Variants in PRR16 observed in about 807,000 individuals in gnomAD.
PRR16 encodes the protein proline rich 16.
In PRR16, 6 loss-of-function variants were observed where a neutral mutation model predicts 18.2. The observed-to-expected ratio is 0.33, with a 90% confidence interval of 0.18 to 0.65. The LOEUF (loss-of-function observed/expected upper bound fraction) is 0.65. Ranked by LOEUF, PRR16 falls within the 30% of genes least tolerant of loss-of-function variation. The pLI is 0.74. For missense variants in PRR16, 412 were observed against 376.6 expected, an observed-to-expected ratio of 1.09 and a Z score of -0.78; for synonymous variants, 151 against 147.8, an observed-to-expected ratio of 1.02 and a Z score of -0.16.
intron 1 of PRR16, among the ~76,000 whole-genome samples, chr5:120,491,225 T>C (rs929866850): frequency 2.0e-5 from 3 of 152,126 alleles, no homozygotes; most frequent in African/African-American, 7.2e-5. Flanking sequence ...GTTTCCCTGG[T>C]GTTACACTGA....
chr5:120,579,048 T>G (rs1362427468), intron 1 of PRR16, among the ~76,000 whole-genome samples: 1 of 152,226 alleles, frequency 6.6e-6, no homozygotes, highest in African/African-American at 2.4e-5. Flanking sequence ...ATAAATGTCT[T>G]CTTTTGAGAA....
chr5:120,771,370 C>T, the PRR16 span, among the ~76,000 whole-genome samples: 1 of 151,974 alleles, frequency 6.6e-6, no homozygotes. Flanking sequence ...CTGACCATGA[C>T]CAGGTATGAG....
Position 120,490,738 on chromosome 5 carries a change from G to T in PRR16, c.159+26093G>T, listed in dbSNP as rs780683929. 1.1e-4 allele frequency among the ~76,000 whole-genome samples: 14 copies of T among 129,706 alleles called. No homozygotes were observed. The East Asian group carries it at 3.0e-3, about 28-fold the overall frequency. 85.1% of individuals were successfully genotyped at this position (129,706 alleles called of 152,430 possible). On this transcript the variant is annotated intron_variant, in intron 1 of 1. Transcript: ENST00000407149. ...AGGAGGAGAGGCACTCTGATTTTTA[G>T]AATTTTCAGTTTTTCTGCTCTGTTT... is the stretch of plus-strand genomic sequence containing the variant.
intron 1 of PRR16, among the ~76,000 whole-genome samples, chr5:120,549,054 A>C (rs189289030): frequency 6.6e-6 from 1 of 151,952 alleles, no homozygotes; most frequent in Admixed American, 6.6e-5. Context: ...AAAAGAGCAT[A>C]TTGACCTGTT....
chr5:120,514,786 G>A (rs1446338338), intron 1 of PRR16, among the ~76,000 whole-genome samples: 4 of 152,092 alleles, frequency 2.6e-5, no homozygotes, highest in Non-Finnish European at 5.9e-5. Flanking sequence ...TAAGAAAAAA[G>A]CTCCAGATAT....
chr5:120,611,187 G>T (rs886921331), intron 1 of PRR16, among the ~76,000 whole-genome samples: 6 of 152,182 alleles, frequency 3.9e-5, no homozygotes, highest in Admixed American at 2.0e-4. Flanking sequence ...GTGTGCAAGT[G>T]GTGACTTGGG....
intron 1 of PRR16, among the ~76,000 whole-genome samples, chr5:120,556,088 A>T (rs575228235): frequency 6.6e-6 from 1 of 151,822 alleles, no homozygotes; most frequent in East Asian, 1.9e-4. Flanking sequence ...GAATAGAACT[A>T]TCTCAACTCT....
intron 1 of PRR16, among the ~76,000 whole-genome samples, chr5:120,614,185 A>G (rs1754428237): frequency 6.6e-6 from 1 of 152,220 alleles, no homozygotes; most frequent in African/African-American, 2.4e-5. Context: ...CATTGAGCAT[A>G]AAGGAAACAA....
the PRR16 span, among the ~76,000 whole-genome samples, chr5:120,777,933 C>G: frequency 6.6e-6 from 1 of 152,078 alleles, no homozygotes; most frequent in Non-Finnish European, 1.5e-5. Context: ...GAGAACCAAA[C>G]ACTGAAACTA....
intron 1 of PRR16, among the ~76,000 whole-genome samples, chr5:120,572,691 A>T (rs12518732): frequency 1.3e-5 from 2 of 152,162 alleles, no homozygotes; most frequent in Admixed American, 6.6e-5. Flanking sequence ...ACTGTGCCAA[A>T]TGAAAATTCA....
rs772458976 is a variant in PRR16 at position 120,497,383 on chromosome 5, G to GTTTT, written c.159+32738_159+32739insTTTT. ...TTTGCTTCCCCTGTTTTGATGAACT[G>GTTTT]ATTTTTTTTTTTTTTTTTTTTTTTG... On this transcript the variant is annotated intron_variant, in intron 1 of 1. Transcript: ENST00000407149. 2.6e-3 allele frequency among the ~76,000 whole-genome samples: 274 copies of GTTTT among 106,822 alleles called. 1 individual carries two copies. Among genetic ancestry groups the GTTTT allele is most frequent in the Non-Finnish European group, 4.1e-3 (220 of 53,730 alleles). The allele number at this position is 106,822 out of a possible 152,430, so 70.1% of individuals were successfully genotyped here.
the PRR16 span, among the ~76,000 whole-genome samples, chr5:120,706,143 A>G: frequency 1.5e-3 from 222 of 152,242 alleles, 1 homozygote; most frequent in African/African-American, 5.1e-3. Flanking sequence ...GAAGATGACA[A>G]TTTTATTCTT....
intron 1 of PRR16, among the ~76,000 whole-genome samples, chr5:120,482,140 G>T (rs973169755): frequency 5.3e-5 from 8 of 152,048 alleles, no homozygotes; most frequent in Admixed American, 1.3e-4. Flanking sequence ...AATAATTTCA[G>T]CTTTTATTTT....
rs574871519 is a variant in PRR16 at position 120,596,023 on chromosome 5, A to G, written c.160-89931A>G. On this transcript the variant is annotated intron_variant, in intron 1 of 1. Transcript: ENST00000407149. ...GTGAAACTTGCAGAATGTTCTTATC[A>G]TAACTAAAGATGGGAAATAGGACAG... is the stretch of plus-strand genomic sequence containing the variant. Among the ~76,000 whole-genome samples the G allele has an allele frequency of 6.6e-5, 10 of 152,062 alleles. No individual in the cohort carries two copies. In the East Asian group the frequency reaches 1.3e-3, roughly 21 times the overall value.
At chr5:120,750,340 T>C in the PRR16 span, among the ~76,000 whole-genome samples, 3 of 152,086 alleles carry the variant, frequency 2.0e-5, no homozygotes, top group Non-Finnish European at 4.4e-5. Context: ...CGTCAACATA[T>C]TGGATAACAC....
chr5:120,579,388 A>T (rs1472070111), intron 1 of PRR16, among the ~76,000 whole-genome samples: 7 of 151,960 alleles, frequency 4.6e-5, no homozygotes, highest in Admixed American at 4.6e-4. Context: ...GTTTTGGGTT[A>T]TACATTTAAG....
the PRR16 span, among the ~76,000 whole-genome samples, chr5:120,742,482 T>G: frequency 2.0e-5 from 3 of 151,398 alleles, no homozygotes; most frequent in Non-Finnish European, 4.4e-5. Context: ...ATCTCTGAAT[T>G]TTTTAATTTT....
At chr5:120,623,072 A>G (rs1055391166) in intron 1 of PRR16, among the ~76,000 whole-genome samples, 19 of 152,134 alleles carry the variant, frequency 1.2e-4, no homozygotes, top group Non-Finnish European at 5.9e-5. Context: ...GACGCATTTT[A>G]TTATTTTCAA....
At chr5:120,786,965 C>T in the PRR16 span, among the ~76,000 whole-genome samples, 1 of 152,046 alleles carries the variant, frequency 6.6e-6, no homozygotes, top group African/African-American at 2.4e-5. Flanking sequence ...CCTATTCCAT[C>T]CAAAAAGTGA....
Sources: gnomAD v4.1 joint callset for allele counts (sites outside exome capture counted in the v4.1 genomes callset) on GRCh38, gnomAD v4.1.1 for gene constraint, MANE v1.5 for transcripts, NCBI Gene and HGNC (gene_info 2026-07-23, HGNC 2026-07-21) for gene names.